The following MRTFA variants were observed in gnomAD, a reference collection of about 807,000 sequenced individuals.
The protein encoded by MRTFA is myocardin related transcription factor A.
In MRTFA, 20 loss-of-function variants were observed where a neutral mutation model predicts 83.5. The ratio of observed to expected loss-of-function variants is 0.24; its 90% confidence interval spans 0.17 to 0.35. The LOEUF (loss-of-function observed/expected upper bound fraction) is 0.35. Ranked by LOEUF, MRTFA falls within the 10% of genes least tolerant of loss-of-function variation. MRTFA has a pLI of 1.00. For synonymous variants in MRTFA, 659 were observed against 541.2 expected, an observed-to-expected ratio of 1.22 and a Z score of -3.02; for missense variants, 1,200 against 1,224.7, an observed-to-expected ratio of 0.98 and a Z score of 0.30.
intron 3 of MRTFA, among the ~76,000 whole-genome samples, chr22:40,488,092 T>G (rs1165414320): frequency 6.6e-6 from 1 of 152,202 alleles, no homozygotes; most frequent in Non-Finnish European, 1.5e-5. Flanking sequence ...CAATCAGAGA[T>G]AGCGTTACAA....
intron 3 of MRTFA, chr22:40,519,345 C>A (rs1279156833): frequency 2.7e-6 from 3 of 1,092,788 alleles, no homozygotes; most frequent in Admixed American, 2.3e-5. Flanking sequence ...TAGAGACTAC[C>A]CTCTAGAACT....
intron 7 of MRTFA, among the ~76,000 whole-genome samples, chr22:40,425,840 G>A (rs1376830838): frequency 6.6e-6 from 1 of 152,156 alleles, no homozygotes; most frequent in South Asian, 2.1e-4. Flanking sequence ...GCTGCTGGCC[G>A]TACTGTGGAA....
At chr22:40,623,087 C>G (rs542770370) in intron 1 of MRTFA, among the ~76,000 whole-genome samples, 2 of 152,270 alleles carry the variant, frequency 1.3e-5, no homozygotes, top group Admixed American at 1.3e-4. Context: ...CAGCTGTGAT[C>G]ACAATGAAAA....
intron 4 of MRTFA, among the ~76,000 whole-genome samples, chr22:40,445,062 G>C (rs1205197135): frequency 6.6e-6 from 1 of 152,140 alleles, no homozygotes; most frequent in Non-Finnish European, 1.5e-5. Context: ...ATAAGAGCCT[G>C]TCTCAAATAA....
At chr22:40,516,175 T>C (rs879855605) in intron 3 of MRTFA, among the ~76,000 whole-genome samples, 3 of 151,916 alleles carry the variant, frequency 2.0e-5, no homozygotes, top group Non-Finnish European at 4.4e-5. Context: ...CCCAACACTT[T>C]TGGGAGGTCA....
chr22:40,483,361 G>C (rs572162673), intron 3 of MRTFA, among the ~76,000 whole-genome samples: 101 of 150,420 alleles, frequency 6.7e-4, no homozygotes, highest in Non-Finnish European at 1.4e-3. Flanking sequence ...TACTATGACA[G>C]ACCTAAAGTA....
chr22:40,519,249 G>A (rs373632740), intron 3 of MRTFA, among the ~76,000 whole-genome samples: 1 of 152,152 alleles, frequency 6.6e-6, no homozygotes, highest in Non-Finnish European at 1.5e-5. Flanking sequence ...GGTGGGACCC[G>A]AAAAATGAGT....
At chr22:40,442,452 A>C (rs1264727839) in intron 4 of MRTFA, among the ~76,000 whole-genome samples, 1 of 152,250 alleles carries the variant, frequency 6.6e-6, no homozygotes, top group East Asian at 1.9e-4. Flanking sequence ...AATGAGGGCT[A>C]CATGTGTGTA....
chr22:40,583,611 C>T (rs140312688), intron 2 of MRTFA, among the ~76,000 whole-genome samples: 155 of 152,296 alleles, frequency 1.0e-3, no homozygotes, highest in African/African-American at 3.6e-3. Context: ...GCAACTATTA[C>T]GGCCTGAGCT....
chr22:40,545,503 G>A (rs1427056630), intron 3 of MRTFA, among the ~76,000 whole-genome samples: 1 of 150,720 alleles, frequency 6.6e-6, no homozygotes, highest in East Asian at 2.0e-4. Context: ...CTATCTCCCG[G>A]CTCACTGCAA....
chr22:40,468,930 A>T (rs930729233), intron 3 of MRTFA, among the ~76,000 whole-genome samples: 16 of 152,218 alleles, frequency 1.1e-4, no homozygotes, highest in Non-Finnish European at 2.4e-4. Flanking sequence ...ATGAGAATTA[A>T]CAATGACCTT....
chr22:40,611,701 A>C (rs2056390012), intron 1 of MRTFA, among the ~76,000 whole-genome samples: 1 of 152,214 alleles, frequency 6.6e-6, no homozygotes, highest in African/African-American at 2.4e-5. Context: ...GATAACCAGT[A>C]ATTTTTAAAG....
intron 3 of MRTFA, among the ~76,000 whole-genome samples, chr22:40,464,827 T>C (rs2053786612): frequency 6.6e-6 from 1 of 152,202 alleles, no homozygotes; most frequent in Admixed American, 6.5e-5. Flanking sequence ...CTTACTTCTT[T>C]AATGATATCA....
chr22:40,486,661 G>A (rs1193739950), intron 3 of MRTFA, among the ~76,000 whole-genome samples: 1 of 152,212 alleles, frequency 6.6e-6, no homozygotes, highest in African/African-American at 2.4e-5. Context: ...TACAACGGTT[G>A]GCTCATTACG....
chr22:40,529,238 A>C (rs1209539013), intron 3 of MRTFA, among the ~76,000 whole-genome samples: 1 of 152,228 alleles, frequency 6.6e-6, no homozygotes, highest in Admixed American at 6.5e-5. Context: ...ATGATTAGGG[A>C]AATAGAAGTT....
chr22:40,540,776 C>CAAAA (rs11398739), intron 3 of MRTFA, among the ~76,000 whole-genome samples: 4 of 91,098 alleles, frequency 4.4e-5, no homozygotes, highest in African/African-American at 1.3e-4. Flanking sequence ...GACTCTGTCT[C>CAAAA]AAAAAAAAAA....
chr22:40,505,545 T>C (rs2147232339), intron 3 of MRTFA, among the ~76,000 whole-genome samples: 1 of 152,334 alleles, frequency 6.6e-6, no homozygotes, highest in East Asian at 1.9e-4. Flanking sequence ...AGTAATGCCA[T>C]GGTTTGAATA....
chr22:40,570,413 A>T (rs1034225633), intron 2 of MRTFA, among the ~76,000 whole-genome samples: 13 of 151,358 alleles, frequency 8.6e-5, no homozygotes, highest in African/African-American at 2.7e-4. Context: ...GTCTCTACTT[A>T]AAAAAATACA....
intron 2 of MRTFA, chr22:40,587,155 G>T: frequency 4.3e-6 from 2 of 461,208 alleles, no homozygotes; most frequent in Non-Finnish European, 8.8e-6. Flanking sequence ...GCTAAGGTCT[G>T]TATTGATCAT....
Sources: gnomAD v4.1 joint callset for allele counts (sites outside exome capture counted in the v4.1 genomes callset) on GRCh38, gnomAD v4.1.1 for gene constraint, MANE v1.5 for transcripts, NCBI Gene and HGNC (gene_info 2026-07-23, HGNC 2026-07-21) for gene names.